ASIC2: variants seen among roughly 807,000 people sequenced by gnomAD.
ASIC2 encodes the protein acid sensing ion channel subunit 2.
In ASIC2, 25 loss-of-function variants were observed where a neutral mutation model predicts 57.3. The observed-to-expected ratio is 0.44, with a 90% CI of 0.32 to 0.61. The LOEUF (loss-of-function observed/expected upper bound fraction) is 0.61, where lower values mean the gene tolerates loss of function less well. Ranked by LOEUF, ASIC2 falls within the 20% of genes least tolerant of loss-of-function variation. The probability of loss-of-function intolerance (pLI) is 0.06; values close to 1 mark genes in which losing one functional copy is unlikely to be tolerated. For synonymous variants in ASIC2, 319 were observed against 307.5 expected (o/e 1.04, Z -0.39); for missense variants, 641 against 738.1 (o/e 0.87, Z 1.52).
chr17:33,922,621 T>C (rs1597931166), intron 1 of ASIC2, among the ~76,000 whole-genome samples: 1 of 152,358 alleles, frequency 6.6e-6, no homozygotes, highest in East Asian at 1.9e-4. Context: ...TATCAGGCTC[T>C]ATACTATATG....
At chr17:33,676,267 C>T (rs113010871) in intron 1 of ASIC2, among the ~76,000 whole-genome samples, 17 of 152,166 alleles carry the variant, frequency 1.1e-4, no homozygotes, top group African/African-American at 4.1e-4. Context: ...ACAATGGCCT[C>T]TAAGTAGTCA....
intron 3 of ASIC2, among the ~76,000 whole-genome samples, chr17:33,056,756 G>C (rs2091999760): frequency 6.6e-6 from 1 of 152,194 alleles, no homozygotes; most frequent in African/African-American, 2.4e-5. Flanking sequence ...CATTGAACTG[G>C]TGTCTTCAAG....
intron 1 of ASIC2, among the ~76,000 whole-genome samples, chr17:33,677,188 A>T (rs1907848859): frequency 2.0e-5 from 3 of 152,240 alleles, no homozygotes; most frequent in Non-Finnish European, 2.9e-5. Context: ...TTCAGTGTAG[A>T]CAAAACAGCC....
At chr17:33,457,718 C>A (rs1366890888) in intron 1 of ASIC2, among the ~76,000 whole-genome samples, 1 of 152,138 alleles carries the variant, frequency 6.6e-6, no homozygotes, top group Non-Finnish European at 1.5e-5. Context: ...GTATAGACAG[C>A]TTACTACAAG....
chr17:33,505,843 A>G (rs1307179486), intron 1 of ASIC2, among the ~76,000 whole-genome samples: 1 of 152,218 alleles, frequency 6.6e-6, no homozygotes, highest in Non-Finnish European at 1.5e-5. Flanking sequence ...TCAAGTTCCA[A>G]AGCCTGGCTA....
intron 1 of ASIC2, among the ~76,000 whole-genome samples, chr17:33,583,502 C>G (rs1038234048): frequency 6.6e-6 from 1 of 152,198 alleles, no homozygotes; most frequent in Non-Finnish European, 1.5e-5. Context: ...TATGCCCCAA[C>G]CATGACCTTC....
At chr17:33,381,133 G>C (rs930964049) in intron 1 of ASIC2, among the ~76,000 whole-genome samples, 1 of 152,234 alleles carries the variant, frequency 6.6e-6, no homozygotes, top group Non-Finnish European at 1.5e-5. Context: ...TTTGTCCGTA[G>C]AGAACAAAGT....
intron 3 of ASIC2, among the ~76,000 whole-genome samples, chr17:33,077,109 G>T (rs1356156896): frequency 6.6e-6 from 1 of 151,948 alleles, no homozygotes; most frequent in Non-Finnish European, 1.5e-5. Context: ...CTTCTTTGCT[G>T]AGATGCAGCT....
intron 1 of ASIC2, among the ~76,000 whole-genome samples, chr17:33,197,211 C>T (rs537105222): frequency 6.6e-6 from 1 of 152,158 alleles, no homozygotes; most frequent in Non-Finnish European, 1.5e-5. Context: ...GAATCTATAG[C>T]CACCTCTTGG....
At chr17:33,471,147 G>A (rs570532385) in intron 1 of ASIC2, among the ~76,000 whole-genome samples, 10 of 152,204 alleles carry the variant, frequency 6.6e-5, no homozygotes, top group African/African-American at 9.6e-5. Context: ...TTTGGCTCAC[G>A]TTTGTCCTTT....
intron 1 of ASIC2, among the ~76,000 whole-genome samples, chr17:33,551,717 T>C (rs1915758094): frequency 6.6e-6 from 1 of 152,172 alleles, no homozygotes; most frequent in East Asian, 1.9e-4. Flanking sequence ...TTTTAGACTG[T>C]TGTTCTGAGA....
intron 1 of ASIC2, among the ~76,000 whole-genome samples, chr17:34,060,328 A>C (rs1365673165): frequency 6.6e-6 from 1 of 152,332 alleles, no homozygotes; most frequent in East Asian, 1.9e-4. Context: ...TCCTGTGAGA[A>C]AAAAGAATCT....
chr17:33,441,975 C>A (rs1911839534), intron 1 of ASIC2, among the ~76,000 whole-genome samples: 1 of 152,186 alleles, frequency 6.6e-6, no homozygotes, highest in Non-Finnish European at 1.5e-5. Context: ...TATTTCTTTT[C>A]AACACCTACA....
intron 1 of ASIC2, among the ~76,000 whole-genome samples, chr17:33,256,978 A>T (rs1480429885): frequency 6.6e-6 from 1 of 152,184 alleles, no homozygotes; most frequent in Non-Finnish European, 1.5e-5. Context: ...CCCTAGCAGC[A>T]GCTCTCCCTA....
At chr17:33,603,944 G>A (rs1905167257) in intron 1 of ASIC2, among the ~76,000 whole-genome samples, 1 of 152,190 alleles carries the variant, frequency 6.6e-6, no homozygotes, top group Admixed American at 6.5e-5. Flanking sequence ...GAAAAGCAGA[G>A]GGTCACGTGG....
At chr17:33,708,690 C>G (rs1908934696) in intron 1 of ASIC2, among the ~76,000 whole-genome samples, 2 of 152,118 alleles carry the variant, frequency 1.3e-5, no homozygotes, top group Non-Finnish European at 2.9e-5. Context: ...CATCCAGCCC[C>G]AGCGTACCCC....
At chr17:34,061,954 A>T (rs1165236754) in intron 1 of ASIC2, among the ~76,000 whole-genome samples, 1 of 152,188 alleles carries the variant, frequency 6.6e-6, no homozygotes, top group African/African-American at 2.4e-5. Context: ...CACTGATAGC[A>T]CTAGACAGGT....
intron 1 of ASIC2, among the ~76,000 whole-genome samples, chr17:33,595,041 G>A (rs1180943091): frequency 1.3e-5 from 2 of 151,926 alleles, no homozygotes; most frequent in Admixed American, 6.6e-5. Context: ...GAAACATAGC[G>A]AGACGTTATC....
At chr17:33,940,291 T>C (rs1916157542) in intron 1 of ASIC2, among the ~76,000 whole-genome samples, 1 of 152,206 alleles carries the variant, frequency 6.6e-6, no homozygotes, top group Admixed American at 6.5e-5. Context: ...TTTAACATAT[T>C]CTGGGTTCCC....
Sources: allele counts gnomAD v4.1 joint callset (sites outside exome capture counted in the v4.1 genomes callset), GRCh38; gene constraint gnomAD v4.1.1; transcripts MANE v1.5; gene names NCBI Gene and HGNC (gene_info 2026-07-23, HGNC 2026-07-21).